SVIL: variants seen among roughly 807,000 people sequenced by gnomAD.
SVIL encodes supervillin.
In SVIL, 101 loss-of-function variants were observed where a neutral mutation model predicts 240.4. The ratio of observed to expected loss-of-function variants is 0.42; its 90% confidence interval spans 0.36 to 0.50. The LOEUF is 0.50. Among genes scored for constraint, SVIL ranks in the 20% least tolerant of loss-of-function variants. The probability of loss-of-function intolerance (pLI) is 0.01; values close to 1 mark genes in which losing one functional copy is unlikely to be tolerated. For missense variants in SVIL, 2,512 were observed against 2,818.7 expected, an observed-to-expected ratio of 0.89 and a Z score of 2.46; for synonymous variants, 999 against 1,100.0, an observed-to-expected ratio of 0.91 and a Z score of 1.82.
At chr10:29,670,684 A>G (rs1474901895) in intron 2 of SVIL, among the ~76,000 whole-genome samples, 1 of 152,196 alleles carries the variant, frequency 6.6e-6, no homozygotes, top group Non-Finnish European at 1.5e-5. Flanking sequence ...GCTGCATTTC[A>G]TCTAGAAAGA....
Position 29,457,962 on chromosome 10 carries a change from G to T in SVIL, c.*285C>A. 1 of 227,532 alleles carries T rather than the reference G, an allele frequency of 4.4e-6. No homozygotes were observed. Among genetic ancestry groups the T allele is most frequent in the Non-Finnish European group, 8.3e-6 (1 of 119,992 alleles). 14.1% of individuals were successfully genotyped at this position (227,532 alleles called of 1,614,324 possible). On this transcript the variant is annotated 3_prime_UTR_variant, in exon 38 of 38. Coordinates refer to ENST00000355867, the MANE Select transcript of SVIL (RefSeq NM_021738.3). ...AAAAGGCATTGCCTAGCTGGAACAA[G>T]AAGGCAGTGCTATCTATAGCAGCTG...
At chr10:29,541,795 TCG>T (rs66989422) in intron 6 of SVIL, among the ~76,000 whole-genome samples, 82,463 of 151,642 alleles carry the variant, frequency 0.54, 23,085 homozygotes, top group African/African-American at 0.69. Context: ...AATCAGCCAT[TCG>T]CGGGGCTGTG....
At position 29,697,541 on chromosome 10, in the gene SVIL, A is replaced by C. The variant is rs57857894; in HGVS notation, c.-399-10890T>G. Among the ~76,000 whole-genome samples, 62 of 100,582 alleles carry C rather than the reference A, an allele frequency of 6.2e-4. 1 individual carries two copies. The highest frequency in any genetic ancestry group is 1.2e-3 in the Admixed American group (11 of 8,920). 66.0% of individuals were successfully genotyped at this position (100,582 alleles called of 152,430 possible). A position where few individuals can be genotyped will look rare whatever the true frequency, so the allele number is the denominator to read the frequency against. On this transcript the variant is annotated intron_variant, in intron 1 of 35. Coordinates refer to the SVIL transcript ENST00000375400. Reference sequence around the variant, plus strand: ...CCCCCAACCCTGTGCTCTCTGAAATATGTGCTGTGTCCACTCAGGGTTAAA... The same window carrying C: ...CCCCCAACCCTGTGCTCTCTGAAATCTGTGCTGTGTCCACTCAGGGTTAAA...
chr10:29,575,964 G>T, intron 1 of SVIL: 2 of 278,526 alleles, frequency 7.2e-6, no homozygotes, highest in Non-Finnish European at 5.4e-6. Context: ...ACAGTGCTAG[G>T]ATATGTTTTG....
At chr10:29,462,719 C>A (rs1017346488) in intron 35 of SVIL, among the ~76,000 whole-genome samples, 2 of 152,144 alleles carry the variant, frequency 1.3e-5, no homozygotes, top group Non-Finnish European at 2.9e-5. Context: ...CTGAATTCAC[C>A]TGTAGAGTCA....
intron 1 of SVIL, among the ~76,000 whole-genome samples, chr10:29,690,899 G>A (rs1044049313): frequency 1.5e-4 from 23 of 152,130 alleles, no homozygotes; most frequent in African/African-American, 4.8e-4. Context: ...AATCAAGTTG[G>A]CTGATTTTTC....
At chr10:29,704,842 C>A (rs904751283) in intron 1 of SVIL, among the ~76,000 whole-genome samples, 4 of 152,138 alleles carry the variant, frequency 2.6e-5, no homozygotes, top group Non-Finnish European at 4.4e-5. Flanking sequence ...CATGCAGACA[C>A]CTCTCAGGAG....
chr10:29,639,980 G>T (rs1958432564), intron 3 of SVIL, among the ~76,000 whole-genome samples: 1 of 152,182 alleles, frequency 6.6e-6, no homozygotes, highest in Non-Finnish European at 1.5e-5. Context: ...GCACAGAAGA[G>T]ATGAGGCTTC....
chr10:29,498,466 T>G (rs1948628816), intron 18 of SVIL, among the ~76,000 whole-genome samples: 1 of 152,162 alleles, frequency 6.6e-6, no homozygotes, highest in Non-Finnish European at 1.5e-5. Flanking sequence ...GTTAGCAGAT[T>G]TGAACTGCTT....
In SVIL at chr10:29,520,583, T is replaced by C. The variant is rs577655488; in HGVS notation, c.3389+1827A>G. The stretch of plus-strand genomic sequence containing the variant: ...TTGAAAAAGATAGCATCTATTATTT[T>C]ACAAATAATGTTCAAGAAGCTTGGC... On this transcript the variant is annotated intron_variant, in intron 16 of 37. Transcript: ENST00000355867. 8.5e-5 allele frequency among the ~76,000 whole-genome samples: 13 copies of C among 152,304 alleles called. No homozygotes were observed. In the East Asian group the frequency reaches 1.3e-3, roughly 16 times the overall value.
intron 6 of SVIL, among the ~76,000 whole-genome samples, chr10:29,541,306 G>A (rs939853016): frequency 6.6e-6 from 1 of 152,116 alleles, no homozygotes; most frequent in Non-Finnish European, 1.5e-5. Flanking sequence ...TTGCACATGC[G>A]GTCAAGAATC....
chr10:29,620,150 A>C (rs763542905), intron 1 of SVIL, among the ~76,000 whole-genome samples: 5 of 152,192 alleles, frequency 3.3e-5, no homozygotes, highest in Non-Finnish European at 7.3e-5. Flanking sequence ...ATGTTTTAAA[A>C]ATTATCATTG....
chr10:29,504,812 C>T (rs1374616755), intron 17 of SVIL, among the ~76,000 whole-genome samples: 2 of 152,196 alleles, frequency 1.3e-5, no homozygotes, highest in African/African-American at 4.8e-5. Flanking sequence ...ACTAAACATA[C>T]TCTTACCGTA....
At chr10:29,527,394 T>G (rs1291723354) in intron 12 of SVIL, among the ~76,000 whole-genome samples, 2 of 152,166 alleles carry the variant, frequency 1.3e-5, no homozygotes, top group Non-Finnish European at 2.9e-5. Context: ...ATTATGTCTG[T>G]GTTTTAGAAT....
chr10:29,677,198 A>T (rs1344968248), intron 2 of SVIL, among the ~76,000 whole-genome samples: 2 of 151,940 alleles, frequency 1.3e-5, no homozygotes, highest in Non-Finnish European at 1.5e-5. Context: ...CTCAGCAGAC[A>T]CCCTTTGCTG....
chr10:29,619,424 G>C (rs1957544607), intron 1 of SVIL, among the ~76,000 whole-genome samples: 1 of 152,142 alleles, frequency 6.6e-6, no homozygotes, highest in South Asian at 2.1e-4. Context: ...TTACAGTCAG[G>C]GTCAAGAGTG....
intron 2 of SVIL, chr10:29,670,848 A>G (rs1248463467): frequency 6.6e-6 from 1 of 152,250 alleles, no homozygotes; most frequent in African/African-American, 2.4e-5. Context: ...CAAGACAGGA[A>G]TCGTGCCCAG....
chr10:29,684,897 T>A (rs559543335), intron 2 of SVIL, among the ~76,000 whole-genome samples: 59 of 152,230 alleles, frequency 3.9e-4, no homozygotes, highest in South Asian at 6.2e-4. Flanking sequence ...TACTGTTCTG[T>A]CAGTCTTAGG....
intron 3 of SVIL, among the ~76,000 whole-genome samples, chr10:29,562,559 A>G (rs1428214231): frequency 6.6e-6 from 1 of 152,172 alleles, no homozygotes; most frequent in Non-Finnish European, 1.5e-5. Flanking sequence ...TCGGGAGTCG[A>G]AACCAGCCTG....
Sources: gnomAD v4.1 joint callset for allele counts (sites outside exome capture counted in the v4.1 genomes callset) on GRCh38, gnomAD v4.1.1 for gene constraint, MANE v1.5 for transcripts, NCBI Gene and HGNC (gene_info 2026-07-23, HGNC 2026-07-21) for gene names.